Variants in MAP4K1 observed in about 807,000 individuals in gnomAD.
The protein encoded by MAP4K1 is mitogen-activated protein kinase kinase kinase kinase 1, also known as MAPK/ERK kinase kinase kinase 1.
MAP4K1 carries 35 observed loss-of-function variants against 122.8 expected under a neutral mutation model. The observed-to-expected ratio is 0.29, with a 90% confidence interval of 0.22 to 0.38. MAP4K1 has a LOEUF of 0.38. Among genes scored for constraint, MAP4K1 ranks in the 10% least tolerant of loss-of-function variants. MAP4K1 has a pLI of 1.00. For missense variants in MAP4K1, 791 were observed against 1,072.6 expected, an observed-to-expected ratio of 0.74 and a Z score of 3.67; for synonymous variants, 412 against 421.3, an observed-to-expected ratio of 0.98 and a Z score of 0.27.
rs1490686646 is a variant in MAP4K1 at position 38,605,468 on chromosome 19, A to G, written c.1387T>C (p.Ser463Pro). 6.3e-7 allele frequency: 1 copy of G among 1,596,864 alleles called. No homozygotes were observed. Residue 463 changes from serine to proline, a missense_variant, in exon 19 of 31, where the codon TCC (serine) becomes CCC (proline). Ser to Pro is a moderately conservative substitution (Grantham distance 74, BLOSUM62 -1). Transcript: ENST00000396857. ...AGTGGGGGCTTGTCAAGCTCCCGGG[A>G]GGGTGGGTTCCAGAGTGAGGGTTCT... The part of the protein sequence containing the change: ...HSEPSLWNPP[S>P]RELDKPPLLP...
chr19:38,617,689 T>C lies in MAP4K1; in HGVS notation c.100-64A>G. The C allele has an allele frequency of 6.2e-7, 1 of 1,606,220 alleles. No homozygotes were observed. The highest frequency in any genetic ancestry group is 8.5e-7 in the Non-Finnish European group (1 of 1,172,834). On this transcript the variant is annotated intron_variant, in intron 1 of 30. Coordinates refer to ENST00000396857, the MANE Select transcript of MAP4K1 (RefSeq NM_001042600.3). The surrounding 1 kb of genome is among the most constrained non-coding windows in gnomAD (Gnocchi z 4.1). The stretch of plus-strand genomic sequence containing the variant: ...TGCCAGAGTCCCTCCACAGCATCCC[T>C]GAGTCAAGGTCAAGAACTGGGACCC...
intron 3 of MAP4K1, 130 bp from the exon 4 acceptor site, chr19:38,616,389 C>T (rs976995066): frequency 1.5e-5 from 9 of 584,718 alleles, no homozygotes; most frequent in South Asian, 2.4e-5. Flanking sequence ...ATCACTCCAC[C>T]TCTCCTTGTC....
chr19:38,608,163 G>C lies in MAP4K1; in HGVS notation c.1014C>G (p.His338Gln), dbSNP rs1284243239. 6.6e-7 allele frequency: 1 copy of C among 1,520,650 alleles called. No individual in the cohort carries two copies. Among genetic ancestry groups the C allele is most frequent in the South Asian group, 1.3e-5 (1 of 75,036 alleles). The allele number at this position is 1,520,650 out of a possible 1,614,324, so 94.2% of individuals were successfully genotyped here. A position where few individuals can be genotyped will look rare whatever the true frequency, so the allele number is the denominator to read the frequency against. ...TTCCTCGGAGCTTCCTGAACTCCATGTGCCGCCCTAGGGTGGGTGGGGGAA... is the reference window on the plus strand; with the variant it reads ...TTCCTCGGAGCTTCCTGAACTCCATCTGCCGCCCTAGGGTGGGTGGGGGAA... ...GIPDADCCRRHMEFRKLRGME... is the reference protein window; with the variant it reads ...GIPDADCCRRQMEFRKLRGME... The change falls in exon 14 of 31, where the codon CAC becomes CAG. Residue 338 changes from histidine (H) to glutamine (Q), a missense_variant. His to Gln is a conservative substitution (Grantham distance 24, BLOSUM62 0). Coordinates refer to ENST00000396857, the MANE Select transcript of MAP4K1 (RefSeq NM_001042600.3).
Position 38,609,681 on chromosome 19 carries a change from A to G in MAP4K1, c.928-7T>C, listed in dbSNP as rs1261875204. ...GAGGGATAGCAGGGGGTAGCTGGGC[A>G]GAGGGGCAGCCACGTCAGGGCTCAA... On this transcript the variant is annotated splice_region_variant and splice_polypyrimidine_tract_variant and intron_variant, in intron 12 of 30. Transcript: ENST00000396857. 4.3e-6 allele frequency: 7 copies of G among 1,609,572 alleles called. No individual in the cohort carries two copies. Among genetic ancestry groups the G allele is most frequent in the African/African-American group, 1.3e-5 (1 of 74,896 alleles).
chr19:38,591,195 AAAG>A (rs557548909), intron 30 of MAP4K1, among the ~76,000 whole-genome samples: 115 of 151,000 alleles, frequency 7.6e-4, no homozygotes, highest in Non-Finnish European at 1.1e-3. Context: ...TGTCTCAAGA[AAAG>A]AAAAAAAAAA....
Position 38,597,205 on chromosome 19 carries a change from C to T in MAP4K1, c.1838-68G>A. ...CCTCCTCGCCACCCACACTACCACC[C>T]ATCTTCTGGGTTCTGGACACATTGC... On this transcript the variant is annotated intron_variant, in intron 24 of 30. Coordinates refer to ENST00000396857, the MANE Select transcript of MAP4K1 (RefSeq NM_001042600.3). This position sits in a 1 kb window ranked among gnomAD's most constrained non-coding sequence, Gnocchi z 4.6. The T allele has an allele frequency of 5.0e-6, 8 of 1,596,784 alleles. No individual in the cohort carries two copies. Among genetic ancestry groups the T allele is most frequent in the Admixed American group, 3.3e-5 (2 of 59,994 alleles).
Position 38,617,312 on chromosome 19 carries a change from A to G in MAP4K1, c.248+42T>C. 1 of 1,379,502 alleles carries G rather than the reference A, an allele frequency of 7.2e-7. No individual in the cohort carries two copies. Among genetic ancestry groups the G allele is most frequent in the East Asian group, 2.3e-5 (1 of 43,840 alleles). The allele number at this position is 1,379,502 out of a possible 1,614,324, so 85.5% of individuals were successfully genotyped here. A position where few individuals can be genotyped will look rare whatever the true frequency, so the allele number is the denominator to read the frequency against. On this transcript the variant is annotated intron_variant, in intron 3 of 30. Coordinates refer to ENST00000396857, the MANE Select transcript of MAP4K1 (RefSeq NM_001042600.3). The surrounding 1 kb of genome is among the most constrained non-coding windows in gnomAD (Gnocchi z 4.1). Reference sequence around the variant, plus strand: ...CATCAAGAAATGGGGACTCCGGGTTAGGGGCTGGGCTGGGTGCCAGGGTGG... The same window carrying G: ...CATCAAGAAATGGGGACTCCGGGTTGGGGGCTGGGCTGGGTGCCAGGGTGG...
At chr19:38,602,972 A>C (rs546199688) in intron 19 of MAP4K1, among the ~76,000 whole-genome samples, 1 of 137,964 alleles carries the variant, frequency 7.2e-6, no homozygotes, top group Non-Finnish European at 1.6e-5. Context: ...ACACATGCAC[A>C]TATATACGCA....
intron 19 of MAP4K1, chr19:38,601,761 T>A: frequency 2.0e-6 from 1 of 497,278 alleles, no homozygotes; most frequent in Admixed American, 4.0e-5. Context: ...TAGTTTTTCC[T>A]CCACTATCCT....
Position 38,617,830 on chromosome 19 carries a change from C to T in MAP4K1, c.66G>A (p.Arg22=), listed in dbSNP as rs200535138. 1 of 1,614,170 alleles carries T rather than the reference C, an allele frequency of 6.2e-7. No individual in the cohort carries two copies. Among genetic ancestry groups the T allele is most frequent in the East Asian group, 2.2e-5 (1 of 44,882 alleles). The stretch of plus-strand genomic sequence containing the variant: ...CTTCCCCATACGTGCCGCCACCCAG[C>T]CGCTGTAGCAGGTCATAGTGGTCCC... ...DPRDHYDLLQ[R]LGGGTYGEVF... Residue 22 remains arginine (R), a synonymous_variant, in exon 1 of 31, where the codon CGG becomes CGA. Transcript: ENST00000396857. This position sits in a 1 kb window ranked among gnomAD's most constrained non-coding sequence, Gnocchi z 4.1.
chr19:38,606,990 G>A (rs1019912214), intron 16 of MAP4K1, among the ~76,000 whole-genome samples: 3 of 152,200 alleles, frequency 2.0e-5, no homozygotes, highest in Non-Finnish European at 4.4e-5. Flanking sequence ...TGGTCTTTGG[G>A]AGATTTCCAG....
At chr19:38,612,533 G>T in intron 9 of MAP4K1, 78 bp downstream of exon 9, 2 of 1,437,140 alleles carry the variant, frequency 1.4e-6, no homozygotes, top group Non-Finnish European at 1.9e-6. Flanking sequence ...TTCCTGGGAT[G>T]GAAGGCGGAA....
chr19:38,595,921 A>T lies in MAP4K1; in HGVS notation c.2179+18T>A. ...AGCTGGAGGGGTGGGGAGGAAGGGG[A>T]GGAAGGAGGGTTCTCACCATCCATC... On this transcript the variant is annotated intron_variant, in intron 27 of 30. Coordinates refer to ENST00000396857, the MANE Select transcript of MAP4K1 (RefSeq NM_001042600.3). 1 of 1,612,588 alleles carries T rather than the reference A, an allele frequency of 6.2e-7. No homozygotes were observed. Among genetic ancestry groups the T allele is most frequent in the East Asian group, 2.2e-5 (1 of 44,834 alleles).
chr19:38,601,028 A>T (rs4592774), intron 20 of MAP4K1, among the ~76,000 whole-genome samples: 28,549 of 150,848 alleles, frequency 0.19, 3,260 homozygotes, highest in East Asian at 0.39. Context: ...CTGGTCTCAA[A>T]CTCCTGACCT....
rs1412346525 is a variant in MAP4K1, at chr19:38,597,911, T to C, written c.1670-317A>G. Among the ~76,000 whole-genome samples the C allele has an allele frequency of 6.6e-6, 1 of 152,158 alleles. No homozygotes were observed. The highest frequency in any genetic ancestry group is 2.4e-5 in the African/African-American group (1 of 41,432). ...AGATGAAGTTACACATCTTACAAAG[T>C]TTTAGAAGAAACACATCTAGAAAAT... is the stretch of plus-strand genomic sequence containing the variant. On this transcript the variant is annotated intron_variant, in intron 22 of 30. Transcript: ENST00000396857. The surrounding 1 kb of genome is among the most constrained non-coding windows in gnomAD (Gnocchi z 4.6).
At chr19:38,591,777 C>T (rs1054119530) in intron 30 of MAP4K1, among the ~76,000 whole-genome samples, 6 of 151,788 alleles carry the variant, frequency 4.0e-5, no homozygotes, top group African/African-American at 9.7e-5. Context: ...TCAAGAGCAG[C>T]CTGGACAACA....
intron 17 of MAP4K1, 83 bp from the exon 18 acceptor site, chr19:38,605,813 C>T (rs1285492459): frequency 1.5e-6 from 2 of 1,351,178 alleles, no homozygotes; most frequent in Admixed American, 5.1e-5. Context: ...GTCCCTGCCT[C>T]CACCAGAACT....
intron 13 of MAP4K1, among the ~76,000 whole-genome samples, chr19:38,608,754 C>T (rs377695080): frequency 2.1e-5 from 3 of 142,954 alleles, no homozygotes; most frequent in Non-Finnish European, 3.0e-5. Context: ...GAGCCAAGAT[C>T]GCACCATCGC....
At chr19:38,603,349 C>G (rs1975215747) in intron 19 of MAP4K1, among the ~76,000 whole-genome samples, 1 of 149,018 alleles carries the variant, frequency 6.7e-6, no homozygotes, top group Non-Finnish European at 1.5e-5. Context: ...CATATATACA[C>G]ATATACATAT....
Sources: allele counts gnomAD v4.1 joint callset (sites outside exome capture counted in the v4.1 genomes callset), GRCh38; gene constraint gnomAD v4.1.1; non-coding constraint Gnocchi (gnomAD v3.1); transcripts MANE v1.5; gene names NCBI Gene and HGNC (gene_info 2026-07-23, HGNC 2026-07-21).